FOXE1: variants seen among roughly 807,000 people sequenced by gnomAD.
FOXE1 encodes the protein forkhead box E1.
FOXE1 carries 4 observed loss-of-function variants against 2.1 expected under a neutral mutation model. The ratio of observed to expected loss-of-function variants is 1.91; its 90% CI spans 0.94 to 4.37. The LOEUF (loss-of-function observed/expected upper bound fraction) is 4.37. FOXE1 is among the 30% of genes most tolerant of loss of function. The pLI, the probability that FOXE1 is intolerant of heterozygous loss-of-function variation, is 0.01. For synonymous variants in FOXE1, 277 were observed against 272.4 expected (o/e 1.02, Z -0.17); for missense variants, 574 against 583.3 (o/e 0.98, Z 0.16).
chr9:97,854,640 G>A lies in FOXE1; in HGVS notation c.726G>A (p.Gly242=), dbSNP rs1288446779. The A allele has an allele frequency of 7.9e-6, 11 of 1,394,514 alleles. No homozygotes were observed. The highest frequency in any genetic ancestry group is 1.0e-5 in the Non-Finnish European group (11 of 1,083,022). The allele number at this position is 1,394,514 out of a possible 1,614,324, so 86.4% of individuals were successfully genotyped here. A position where few individuals can be genotyped will look rare whatever the true frequency, so the allele number is the denominator to read the frequency against. The change falls in exon 1 of 1, where the codon GGG becomes GGA. Residue 242 remains glycine (G), a synonymous_variant. Transcript: ENST00000375123. ...LSPELGPAPS[G]PGGSCAFASA... is the part of the protein sequence containing the mutation. ...CAGAGCTGGGGCCCGCACCGTCGGG[G>A]CCCGGCGGCTCTTGCGCCTTTGCCT...
rs1034727459 is a variant in FOXE1 at position 97,854,055 on chromosome 9, C to T, written c.141C>T (p.Arg47=). ...GRGAGGRRRK[R]PLQRGKPPYS... ...GGGCGGGCGGGCGGCGCCGCAAGCG[C>T]CCCCTGCAGCGCGGGAAGCCGCCCT... Residue 47 remains arginine, a synonymous_variant, in exon 1 of 1, where the codon CGC becomes CGT. Coordinates refer to ENST00000375123, the MANE Select transcript of FOXE1 (RefSeq NM_004473.4). 1.8e-5 allele frequency: 28 copies of T among 1,530,572 alleles called. No homozygotes were observed. Among genetic ancestry groups the T allele is most frequent in the Middle Eastern group, 1.7e-4 (1 of 5,730 alleles). 94.8% of individuals were successfully genotyped at this position (1,530,572 alleles called of 1,614,324 possible).
At position 97,854,273 on chromosome 9, in the gene FOXE1, G is replaced by T; in HGVS notation, c.359G>T (p.Arg120Leu). Residue 120 changes from arginine to leucine, a missense_variant, in exon 1 of 1, where the codon CGC becomes CTC. Arg to Leu is a moderately radical substitution (Grantham distance 102, BLOSUM62 -2). Around this residue, in one of 3 missense-constraint regions of FOXE1, gnomAD observed 249 missense variants for 269.6 expected, o/e 0.92. Coordinates refer to ENST00000375123, the MANE Select transcript of FOXE1 (RefSeq NM_004473.4). ...CTCAAGATCCCGCGCGAGGCCGGCC[G>T]CCCGGGTAAGGGCAACTACTGGGCG... ...CFLKIPREAG[R>L]PGKGNYWALD... The T allele has an allele frequency of 6.2e-7, 1 of 1,612,564 alleles. No homozygotes were observed. The highest frequency in any genetic ancestry group is 8.5e-7 in the Non-Finnish European group (1 of 1,179,526).
Position 97,855,142 on chromosome 9 carries a change from A to G in FOXE1, c.*106A>G. On this transcript the variant is annotated 3_prime_UTR_variant, in exon 1 of 1. Transcript: ENST00000375123. ...GAGGACTCAACTGGGACCCACGTGG[A>G]AAAGACCGAGCAGGCCACAGAGGCT... 7.7e-6 allele frequency: 11 copies of G among 1,421,856 alleles called. No homozygotes were observed. The Middle Eastern group carries it at 1.1e-3, about 145-fold the overall frequency. 88.1% of individuals were successfully genotyped at this position (1,421,856 alleles called of 1,614,324 possible). A position where few individuals can be genotyped will look rare whatever the true frequency, so the allele number is the denominator to read the frequency against.
rs1475396672 is a variant in FOXE1 at position 97,856,127 on chromosome 9, C to G, written c.*1091C>G. ...CGCCTTTCAGTAGCTGGGGAGGGCT[C>G]TTCCATCCCCAGCACCCCCTGCTAC... On this transcript the variant is annotated 3_prime_UTR_variant, in exon 1 of 1. Transcript: ENST00000375123. 1 of 166,532 alleles carries G rather than the reference C, an allele frequency of 6.0e-6. No homozygotes were observed. Among genetic ancestry groups the G allele is most frequent in the Non-Finnish European group, 1.5e-5 (1 of 68,102 alleles). The allele number at this position is 166,532 out of a possible 1,614,324, so 10.3% of individuals were successfully genotyped here.
In FOXE1 at chr9:97,854,613, C is replaced by A. The variant is rs1424973397; in HGVS notation, c.699C>A (p.Ser233Arg). 2 of 1,384,456 alleles carry A rather than the reference C, an allele frequency of 1.4e-6. No individual in the cohort carries two copies. Among genetic ancestry groups the A allele is most frequent in the East Asian group, 6.2e-5 (2 of 32,238 alleles). 85.8% of individuals were successfully genotyped at this position (1,384,456 alleles called of 1,614,324 possible). A position where few individuals can be genotyped will look rare whatever the true frequency, so the allele number is the denominator to read the frequency against. Residue 233 changes from serine (S) to arginine (R), a missense_variant, in exon 1 of 1, where the codon AGC (serine) becomes AGA (arginine). Around this residue, in one of 3 missense-constraint regions of FOXE1, gnomAD observed 316 missense variants for 288.4 expected, o/e 1.10. Transcript: ENST00000375123. ...VFGLVPERPL[S>R]PELGPAPSGP... ...GCCTGGTTCCTGAGCGGCCGCTCAG[C>A]CCAGAGCTGGGGCCCGCACCGTCGG... is the stretch of plus-strand genomic sequence containing the variant.
chr9:97,854,654 G>C lies in FOXE1; in HGVS notation c.740G>C (p.Cys247Ser), dbSNP rs1358602866. Residue 247 changes from cysteine to serine, a missense_variant, in exon 1 of 1, where the codon TGC becomes TCC. This residue lies in a region of FOXE1 where 316 missense variants were observed against 288.4 expected (regional missense o/e 1.10). Transcript: ENST00000375123. ...GPAPSGPGGS[C>S]AFASAGAPAT... ...GCACCGTCGGGGCCCGGCGGCTCTT[G>C]CGCCTTTGCCTCCGCCGGCGCCCCC... The C allele has an allele frequency of 4.3e-6, 6 of 1,401,258 alleles. No individual in the cohort carries two copies. The highest frequency in any genetic ancestry group is 5.5e-6 in the Non-Finnish European group (6 of 1,086,514). The allele number at this position is 1,401,258 out of a possible 1,614,324, so 86.8% of individuals were successfully genotyped here.
Position 97,854,856 on chromosome 9 carries a change from C to T in FOXE1, c.942C>T (p.Ser314=). 6.4e-7 allele frequency: 1 copy of T among 1,556,516 alleles called. No homozygotes were observed. Among genetic ancestry groups the T allele is most frequent in the Non-Finnish European group, 8.6e-7 (1 of 1,159,830 alleles). The change falls in exon 1 of 1, where the codon AGC becomes AGT. Residue 314 remains serine, a synonymous_variant. Transcript: ENST00000375123. The part of the protein sequence containing the change: ...AGPASPPAGG[S]SGGVETTVDF... ...CCGCTTCGCCCCCAGCGGGCGGCAG[C>T]AGTGGCGGCGTGGAGACCACGGTGG...
chr9:97,854,160 C>T lies in FOXE1; in HGVS notation c.246C>T (p.Phe82=). Residue 82 remains phenylalanine, a synonymous_variant, in exon 1 of 1, where the codon TTC becomes TTT. Coordinates refer to ENST00000375123, the MANE Select transcript of FOXE1 (RefSeq NM_004473.4). ...RRLTLGGIYK[F]ITERFPFYRD... ...TCACGCTGGGCGGCATCTACAAGTTCATCACCGAGCGCTTCCCCTTCTACC... is the reference window on the plus strand; with the variant it reads ...TCACGCTGGGCGGCATCTACAAGTTTATCACCGAGCGCTTCCCCTTCTACC... 6.2e-7 allele frequency: 1 copy of T among 1,612,920 alleles called. No homozygotes were observed. The highest frequency in any genetic ancestry group is 8.5e-7 in the Non-Finnish European group (1 of 1,179,680).
At position 97,854,591 on chromosome 9, in the gene FOXE1, T is replaced by C. The variant is rs965279677; in HGVS notation, c.677T>C (p.Leu226Pro). Residue 226 changes from leucine to proline, a missense_variant, in exon 1 of 1, where the codon CTG (leucine) becomes CCG (proline). By Grantham distance (98) the Leu-to-Pro change is moderately conservative. Transcript: ENST00000375123. The part of the protein sequence containing the change: ...ASPGPCRVFG[L>P]VPERPLSPEL... ...CCCGGCCCTTGCCGCGTCTTCGGCC[T>C]GGTTCCTGAGCGGCCGCTCAGCCCA... The C allele has an allele frequency of 7.4e-7, 1 of 1,351,118 alleles. No individual in the cohort carries two copies. Among genetic ancestry groups the C allele is most frequent in the Non-Finnish European group, 9.4e-7 (1 of 1,058,434 alleles). 83.7% of individuals were successfully genotyped at this position (1,351,118 alleles called of 1,614,324 possible).
rs1343735261 is a variant in FOXE1 at position 97,854,669 on chromosome 9, C to T, written c.755C>T (p.Ala252Val). The T allele has an allele frequency of 7.1e-7, 1 of 1,403,846 alleles. No homozygotes were observed. Among genetic ancestry groups the T allele is most frequent in the Non-Finnish European group, 9.2e-7 (1 of 1,087,694 alleles). 87.0% of individuals were successfully genotyped at this position (1,403,846 alleles called of 1,614,324 possible). A position where few individuals can be genotyped will look rare whatever the true frequency, so the allele number is the denominator to read the frequency against. The change falls in exon 1 of 1, where the codon GCC (alanine) becomes GTC (valine). Residue 252 changes from alanine to valine, a missense_variant. Ala to Val is a moderately conservative substitution (Grantham distance 64). Transcript: ENST00000375123. ...GGCGGCTCTTGCGCCTTTGCCTCCG[C>T]CGGCGCCCCCGCTACCACCACCGGC... ...GPGGSCAFAS[A>V]GAPATTTGYQ...
rs746274755 is a variant in FOXE1, at chr9:97,854,157, G to A, written c.243G>A (p.Lys81=). ...GCCTCACGCTGGGCGGCATCTACAA[G>A]TTCATCACCGAGCGCTTCCCCTTCT... is the stretch of plus-strand genomic sequence containing the variant. ...ERRLTLGGIY[K]FITERFPFYR... Residue 81 remains lysine (K), a synonymous_variant, in exon 1 of 1, where the codon AAG becomes AAA. Transcript: ENST00000375123. The A allele has an allele frequency of 3.7e-6, 6 of 1,612,762 alleles. No individual in the cohort carries two copies. Among genetic ancestry groups the A allele is most frequent in the Non-Finnish European group, 5.1e-6 (6 of 1,179,622 alleles).
Position 97,855,093 on chromosome 9 carries a change from T to G in FOXE1, c.*57T>G, listed in dbSNP as rs7046645. On this transcript the variant is annotated 3_prime_UTR_variant, in exon 1 of 1. Transcript: ENST00000375123. ...TCGGCTGTTCACACGTTCCCCGCAATCTGAGAACGAACAGGAATGGAGAGA... is the reference window on the plus strand; with the variant it reads ...TCGGCTGTTCACACGTTCCCCGCAAGCTGAGAACGAACAGGAATGGAGAGA... 6.3e-7 allele frequency: 1 copy of G among 1,593,372 alleles called. No individual in the cohort carries two copies. Among genetic ancestry groups the G allele is most frequent in the Admixed American group, 1.7e-5 (1 of 57,788 alleles).
Position 97,853,733 on chromosome 9 carries a change from A to C in FOXE1, c.-182A>C. 1 of 435,306 alleles carries C rather than the reference A, an allele frequency of 2.3e-6. No homozygotes were observed. Among genetic ancestry groups the C allele is most frequent in the Non-Finnish European group, 3.7e-6 (1 of 268,696 alleles). The allele number at this position is 435,306 out of a possible 1,614,324, so 27.0% of individuals were successfully genotyped here. A position where few individuals can be genotyped will look rare whatever the true frequency, so the allele number is the denominator to read the frequency against. On this transcript the variant is annotated 5_prime_UTR_variant, in exon 1 of 1. Coordinates refer to ENST00000375123, the MANE Select transcript of FOXE1 (RefSeq NM_004473.4). Reference sequence around the variant, plus strand: ...TCTGTCTGCACCGCGCCAGCCCCAGACCACGGACGCTGAGCCTCCAGCGCG... The same window carrying C: ...TCTGTCTGCACCGCGCCAGCCCCAGCCCACGGACGCTGAGCCTCCAGCGCG...
chr9:97,853,998 G>A lies in FOXE1; in HGVS notation c.84G>A (p.Gly28=). 1 of 1,353,984 alleles carries A rather than the reference G, an allele frequency of 7.4e-7. No homozygotes were observed. Among genetic ancestry groups the A allele is most frequent in the African/African-American group, 1.5e-5 (1 of 64,892 alleles). 83.9% of individuals were successfully genotyped at this position (1,353,984 alleles called of 1,614,324 possible). A position where few individuals can be genotyped will look rare whatever the true frequency, so the allele number is the denominator to read the frequency against. The change falls in exon 1 of 1, where the codon GGG becomes GGA. Residue 28 remains glycine, a synonymous_variant. Transcript: ENST00000375123. Reference sequence around the variant, plus strand: ...AAGAGCGCGGCGAGACGGCAGCAGGGGCCGGGGTCCCAGGGGAGGCCACGG... The same window carrying A: ...AAGAGCGCGGCGAGACGGCAGCAGGAGCCGGGGTCCCAGGGGAGGCCACGG... ...VKEERGETAA[G]AGVPGEATGR...
chr9:97,853,829 A>G lies in FOXE1; in HGVS notation c.-86A>G. On this transcript the variant is annotated 5_prime_UTR_variant, in exon 1 of 1. Transcript: ENST00000375123. Reference sequence around the variant, plus strand: ...CCCTGAGCTCTCCGCAGAAGGGCCGAGCGTCCGTTCCGGGGACGCCAGGCC... The same window carrying G: ...CCCTGAGCTCTCCGCAGAAGGGCCGGGCGTCCGTTCCGGGGACGCCAGGCC... 1 of 1,121,302 alleles carries G rather than the reference A, an allele frequency of 8.9e-7. No individual in the cohort carries two copies. The highest frequency in any genetic ancestry group is 1.1e-6 in the Non-Finnish European group (1 of 890,208). 69.5% of individuals were successfully genotyped at this position (1,121,302 alleles called of 1,614,324 possible).
rs1358602866 is a variant in FOXE1 at position 97,854,654 on chromosome 9, G to A, written c.740G>A (p.Cys247Tyr). The stretch of plus-strand genomic sequence containing the variant: ...GCACCGTCGGGGCCCGGCGGCTCTT[G>A]CGCCTTTGCCTCCGCCGGCGCCCCC... ...GPAPSGPGGS[C>Y]AFASAGAPAT... Residue 247 changes from cysteine (C) to tyrosine (Y), a missense_variant, in exon 1 of 1, where the codon TGC (cysteine) becomes TAC (tyrosine). Cys to Tyr is a radical substitution (Grantham distance 194, BLOSUM62 -2). This residue lies in a region of FOXE1 where 316 missense variants were observed against 288.4 expected (regional missense o/e 1.10). Coordinates refer to ENST00000375123, the MANE Select transcript of FOXE1 (RefSeq NM_004473.4). The A allele has an allele frequency of 7.1e-7, 1 of 1,401,258 alleles. No individual in the cohort carries two copies. The highest frequency in any genetic ancestry group is 9.2e-7 in the Non-Finnish European group (1 of 1,086,514). 86.8% of individuals were successfully genotyped at this position (1,401,258 alleles called of 1,614,324 possible). A position where few individuals can be genotyped will look rare whatever the true frequency, so the allele number is the denominator to read the frequency against.
Position 97,854,418 on chromosome 9 carries a change from A to AGCC in FOXE1, c.535_537dup (p.Ala179dup), listed in dbSNP as rs71369530. Reference sequence around the variant, plus strand: ...ACATGCACGACGCGGCGGCTGCCGCAGCCGCCGCCGCCGCCGCCGCCGCCG... The same window carrying AGCC: ...ACATGCACGACGCGGCGGCTGCCGCAGCCGCCGCCGCCGCCGCCGCCGCCGCCG... On this transcript the variant is annotated inframe_insertion, in exon 1 of 1. Transcript: ENST00000375123. 0.013 allele frequency: 15,825 copies of AGCC among 1,218,442 alleles called. 79 individuals carry two copies. Among genetic ancestry groups the AGCC allele is most frequent in the Middle Eastern group, 0.02 (62 of 3,108 alleles). 75.5% of individuals were successfully genotyped at this position (1,218,442 alleles called of 1,614,324 possible). A position where few individuals can be genotyped will look rare whatever the true frequency, so the allele number is the denominator to read the frequency against.
rs1490922625 is a variant in FOXE1 at position 97,854,762 on chromosome 9, G to T, written c.848G>T (p.Gly283Val). ...TCCGCCTATGCGGCTGCCTACGCGG[G>T]CCCCGACGGCGCGTACCCGCAGGGC... The part of the protein sequence containing the change: ...NPSAYAAAYA[G>V]PDGAYPQGAG... The change falls in exon 1 of 1, where the codon GGC (glycine) becomes GTC (valine). Residue 283 changes from glycine to valine, a missense_variant. This residue lies in a region of FOXE1 where 316 missense variants were observed against 288.4 expected (regional missense o/e 1.10). Transcript: ENST00000375123. The T allele has an allele frequency of 6.7e-7, 1 of 1,491,102 alleles. No individual in the cohort carries two copies. Among genetic ancestry groups the T allele is most frequent in the Non-Finnish European group, 8.9e-7 (1 of 1,129,644 alleles). The allele number at this position is 1,491,102 out of a possible 1,614,324, so 92.4% of individuals were successfully genotyped here. A position where few individuals can be genotyped will look rare whatever the true frequency, so the allele number is the denominator to read the frequency against.
rs867468354 is a variant in FOXE1 at position 97,854,851 on chromosome 9, G to T, written c.937G>T (p.Gly313Cys). 1.9e-6 allele frequency: 3 copies of T among 1,552,302 alleles called. No individual in the cohort carries two copies. The highest frequency in any genetic ancestry group is 2.6e-6 in the Non-Finnish European group (3 of 1,157,452). The change falls in exon 1 of 1, where the codon GGC becomes TGC. Residue 313 changes from glycine to cysteine, a missense_variant. Coordinates refer to ENST00000375123, the MANE Select transcript of FOXE1 (RefSeq NM_004473.4). Reference protein sequence around the residue: ...LAGPASPPAGGSSGGVETTVD... With the variant: ...LAGPASPPAGCSSGGVETTVD... ...GGGACCCGCTTCGCCCCCAGCGGGCGGCAGCAGTGGCGGCGTGGAGACCAC... is the reference window on the plus strand; with the variant it reads ...GGGACCCGCTTCGCCCCCAGCGGGCTGCAGCAGTGGCGGCGTGGAGACCAC...
Sources: allele counts gnomAD v4.1 joint callset, GRCh38; gene constraint gnomAD v4.1.1; regional missense constraint gnomAD v4.1.1; transcripts MANE v1.5; gene names NCBI Gene and HGNC (gene_info 2026-07-23, HGNC 2026-07-21).